PLGLB1: variants seen among roughly 807,000 people sequenced by gnomAD.
PLGLB1 encodes plasminogen like B1.
Position 87,015,179 on chromosome 2 carries a change from TG to T in PLGLB1, c.*1+1122del, listed in dbSNP as rs1318047500. 9.4e-5 allele frequency among the ~76,000 whole-genome samples: 9 copies of T among 95,630 alleles called. 4 individuals are homozygous for T. Among genetic ancestry groups the T allele is most frequent in the African/African-American group, 5.9e-4 (8 of 13,558 alleles). 62.7% of individuals were successfully genotyped at this position (95,630 alleles called of 152,430 possible). Reference sequence around the variant, plus strand: ...GAGAATCAGGAGAATCAGGGTTTTTTGTTTTTGTTTTTAAATCTGGTACAAT... The same window carrying T: ...GAGAATCAGGAGAATCAGGGTTTTTTTTTTTGTTTTTAAATCTGGTACAAT... On this transcript the variant is annotated intron_variant, in intron 3 of 3. Transcript: ENST00000355705.
At chr2:87,017,157 CATT>C (rs1682351717) in intron 2 of PLGLB1, among the ~76,000 whole-genome samples, 1 of 141,098 alleles carries the variant, frequency 7.1e-6, no homozygotes, top group Non-Finnish European at 1.6e-5. Context: ...TTTTTTTTAA[CATT>C]ATATCCAGTC....
chr2:87,016,544 AGTTATTT>A (rs1350954338), intron 2 of PLGLB1, 136 bp from the exon 3 acceptor site: 1 of 242,044 alleles, frequency 4.1e-6, no homozygotes, highest in Non-Finnish European at 7.4e-6. Context: ...TGCCTCTTTC[AGTTATTT>A]GGGCATGGCA....
intron 3 of PLGLB1, among the ~76,000 whole-genome samples, chr2:87,014,395 CTA>C (rs1682298693): frequency 6.6e-6 from 1 of 150,976 alleles, no homozygotes; most frequent in Admixed American, 6.6e-5. Context: ...CTACAGCAAA[CTA>C]ATGCTTTTAA....
At chr2:87,019,332 G>A (rs1293147229) in intron 1 of PLGLB1, among the ~76,000 whole-genome samples, 1 of 126,530 alleles carries the variant, frequency 7.9e-6, no homozygotes, top group Non-Finnish European at 1.6e-5. Context: ...CCACCTCTGG[G>A]ACTTCGTCCT....
In PLGLB1 at chr2:87,011,146, C is replaced by T; in HGVS notation, c.*1975G>A. On this transcript the variant is annotated 3_prime_UTR_variant, in exon 4 of 4. Coordinates refer to ENST00000355705, the MANE Select transcript of PLGLB1 (RefSeq NM_001032392.4). Reference sequence around the variant, plus strand: ...TGGATCAGTAGTATAGCACCAGGGCCCCTGCGCATCGTTGTCTGGATTCCT... The same window carrying T: ...TGGATCAGTAGTATAGCACCAGGGCTCCTGCGCATCGTTGTCTGGATTCCT... 1 of 408,926 alleles carries T rather than the reference C, an allele frequency of 2.4e-6. No homozygotes were observed. The highest frequency in any genetic ancestry group is 2.5e-5 in the Admixed American group (1 of 40,184). The allele number at this position is 408,926 out of a possible 1,614,324, so 25.3% of individuals were successfully genotyped here. A position where few individuals can be genotyped will look rare whatever the true frequency, so the allele number is the denominator to read the frequency against.
Position 87,011,327 on chromosome 2 carries a change from G to A in PLGLB1, c.*1794C>T, listed in dbSNP as rs1682210558. On this transcript the variant is annotated 3_prime_UTR_variant, in exon 4 of 4. Transcript: ENST00000355705. ...TTGTCATCCAAATGCATTTCAGCTG[G>A]GTGCTGCAGCATTTGTGTGGTCAGA... 1.0e-5 allele frequency: 1 copy of A among 99,194 alleles called. No homozygotes were observed. Among genetic ancestry groups the A allele is most frequent in the East Asian group, 3.7e-4 (1 of 2,680 alleles). The allele number at this position is 99,194 out of a possible 1,614,324, so 6.1% of individuals were successfully genotyped here.
At chr2:87,019,009 TG>T (rs1378114187) in intron 1 of PLGLB1, among the ~76,000 whole-genome samples, 1 of 95,002 alleles carries the variant, frequency 1.1e-5, no homozygotes, top group Non-Finnish European at 2.0e-5. Flanking sequence ...AGGGGCGTGG[TG>T]GGGGCTGCAG....
intron 1 of PLGLB1, among the ~76,000 whole-genome samples, chr2:87,020,830 C>T (rs1682404882): frequency 6.9e-6 from 1 of 145,874 alleles, no homozygotes; most frequent in Non-Finnish European, 1.5e-5. Context: ...AAAAGAACTA[C>T]TAGGACATGT....
intron 1 of PLGLB1, among the ~76,000 whole-genome samples, chr2:87,020,885 A>C (rs1682406104): frequency 6.7e-6 from 1 of 149,630 alleles, no homozygotes; most frequent in East Asian, 2.0e-4. Flanking sequence ...AAAAGTGAGA[A>C]GAGCCCTAGA....
At chr2:87,017,357 G>A (rs1249420245) in intron 2 of PLGLB1, 196 bp downstream of exon 2, 3 of 68,014 alleles carry the variant, frequency 4.4e-5, no homozygotes, top group Non-Finnish European at 6.6e-5. Context: ...TCCTTTTAGG[G>A]TATTTTTCTA....
intron 1 of PLGLB1, among the ~76,000 whole-genome samples, chr2:87,021,031 A>T (rs867893261): frequency 1.3e-5 from 2 of 151,462 alleles, no homozygotes. Flanking sequence ...ATGCTACCCT[A>T]CCTATACCGC....
chr2:87,013,446 T>C (rs573389705), intron 3 of PLGLB1: 4 of 157,790 alleles, frequency 2.5e-5, no homozygotes, highest in South Asian at 9.8e-5. Flanking sequence ...ACAGGAAATA[T>C]TCAAGTAAAC....
In PLGLB1 at chr2:87,012,993, G is replaced by A; in HGVS notation, c.*128C>T. ...CAGTAGATGAACACAAAGATGAAAG[G>A]AAAAGTCTGACCTAGGTTTGCGGGG... On this transcript the variant is annotated 3_prime_UTR_variant, in exon 4 of 4. Transcript: ENST00000355705. 1.9e-6 allele frequency: 1 copy of A among 517,860 alleles called. No homozygotes were observed. The highest frequency in any genetic ancestry group is 3.4e-6 in the Non-Finnish European group (1 of 297,038). 32.1% of individuals were successfully genotyped at this position (517,860 alleles called of 1,614,324 possible).
Position 87,014,931 on chromosome 2 carries a change from TC to T in PLGLB1, c.*1+1370del, listed in dbSNP as rs1228507178. ...GTAAACGTGATCTAACACTGACTGTTCCTGGCAAAACCCTGGCAGGTAAGTT... is the reference window on the plus strand; with the variant it reads ...GTAAACGTGATCTAACACTGACTGTTCTGGCAAAACCCTGGCAGGTAAGTT... On this transcript the variant is annotated intron_variant, in intron 3 of 3. Transcript: ENST00000355705. Among the ~76,000 whole-genome samples, 38 of 148,294 alleles carry T rather than the reference TC, an allele frequency of 2.6e-4. 2 individuals carry two copies. The highest frequency in any genetic ancestry group is 1.9e-3 in the Admixed American group (29 of 14,890).
At chr2:87,021,327 C>T (rs1682416146) in intron 1 of PLGLB1, among the ~76,000 whole-genome samples, 1 of 29,334 alleles carries the variant, frequency 3.4e-5, no homozygotes, top group Admixed American at 4.5e-4. Context: ...AGAATATATT[C>T]AAAGAGAAAT....
rs1167739208 is a variant in PLGLB1, at chr2:87,019,637, G to GT, written c.50-1950dup. Among the ~76,000 whole-genome samples the GT allele has an allele frequency of 3.0e-5, 3 of 98,614 alleles. 1 individual carries two copies. The highest frequency in any genetic ancestry group is 8.2e-4 in the South Asian group (2 of 2,450). The allele number at this position is 98,614 out of a possible 152,430, so 64.7% of individuals were successfully genotyped here. The stretch of plus-strand genomic sequence containing the variant: ...TGAGTTCAGTTAAACTTTCTGAAGA[G>GT]TTTTTTTGAAGTATAGCAGAGCAGG... On this transcript the variant is annotated intron_variant, in intron 1 of 3. Coordinates refer to ENST00000355705, the MANE Select transcript of PLGLB1 (RefSeq NM_001032392.4).
chr2:87,013,427 A>G lies in PLGLB1; in HGVS notation c.*2-308T>C, dbSNP rs1052623558. ...AGCTCACATTCTAGTGGAATCAGACAGGGGGGTTACAGGAAATATTCAAGT... is the reference window on the plus strand; with the variant it reads ...AGCTCACATTCTAGTGGAATCAGACGGGGGGGTTACAGGAAATATTCAAGT... On this transcript the variant is annotated intron_variant, in intron 3 of 3. Transcript: ENST00000355705. 45 of 141,726 alleles carry G rather than the reference A, an allele frequency of 3.2e-4. 7 individuals carry two copies. Among genetic ancestry groups the G allele is most frequent in the Non-Finnish European group, 4.6e-4 (36 of 77,502 alleles). 8.8% of individuals were successfully genotyped at this position (141,726 alleles called of 1,614,324 possible). A position where few individuals can be genotyped will look rare whatever the true frequency, so the allele number is the denominator to read the frequency against.
At chr2:87,021,221 G>A (rs1181794373) in intron 1 of PLGLB1, among the ~76,000 whole-genome samples, 1 of 89,994 alleles carries the variant, frequency 1.1e-5, no homozygotes, top group Non-Finnish European at 2.3e-5. Flanking sequence ...GGGATTAGAG[G>A]CAAACGTATA....
chr2:87,019,099 G>A (rs567184425), intron 1 of PLGLB1, among the ~76,000 whole-genome samples: 7 of 111,966 alleles, frequency 6.3e-5, no homozygotes, highest in African/African-American at 1.3e-4. Context: ...TGAAGACAGC[G>A]AGCCCTCCAG....
Sources: allele counts gnomAD v4.1 joint callset (sites outside exome capture counted in the v4.1 genomes callset), GRCh38; gene constraint gnomAD v4.1.1; transcripts MANE v1.5; gene names NCBI Gene and HGNC (gene_info 2026-07-23, HGNC 2026-07-21).